The following NR3C1 variants were observed in gnomAD, a reference collection of about 807,000 sequenced individuals.
The protein encoded by NR3C1 is nuclear receptor subfamily 3 group C member 1.
NR3C1 carries 14 observed loss-of-function variants against 74.0 expected under a neutral mutation model. The ratio of observed to expected loss-of-function variants is 0.19; its 90% CI spans 0.12 to 0.30. NR3C1 has a LOEUF of 0.30. Among genes scored for constraint, NR3C1 ranks in the 10% least tolerant of loss-of-function variants. The probability of loss-of-function intolerance (pLI) is 1.00; values close to 1 mark genes in which losing one functional copy is unlikely to be tolerated. For missense variants in NR3C1, 695 were observed against 909.8 expected (o/e 0.76, Z 3.04); for synonymous variants, 308 against 332.5 (o/e 0.93, Z 0.80).
intron 2 of NR3C1, among the ~76,000 whole-genome samples, chr5:143,325,841 T>A (rs1350620826): frequency 1.3e-5 from 2 of 152,138 alleles, no homozygotes; most frequent in Non-Finnish European, 2.9e-5. Context: ...ACCTTACCCC[T>A]AGAAGATCAA....
intron 4 of NR3C1, among the ~76,000 whole-genome samples, chr5:143,302,895 C>G (rs935970176): frequency 2.0e-5 from 3 of 152,046 alleles, no homozygotes; most frequent in Non-Finnish European, 4.4e-5. Context: ...GCAGTCAATA[C>G]AGGAGCTCCA....
chr5:143,294,072 T>C (rs750379389), intron 7 of NR3C1: 159 of 983,420 alleles, frequency 1.6e-4, no homozygotes, highest in Non-Finnish European at 1.7e-4. Context: ...TTAATACTTC[T>C]TATATCCATT....
chr5:143,313,912 T>C (rs1295479504), intron 3 of NR3C1, 90 bp downstream of exon 3: 19 of 1,408,480 alleles, frequency 1.3e-5, no homozygotes, highest in Non-Finnish European at 1.7e-5. Flanking sequence ...TAGCCTTTCA[T>C]GGGCTTTGCA....
chr5:143,314,789 C>A (rs1821733521), intron 2 of NR3C1, among the ~76,000 whole-genome samples: 1 of 152,138 alleles, frequency 6.6e-6, no homozygotes, highest in African/African-American at 2.4e-5. Flanking sequence ...TTGGCTGAAA[C>A]CACAATTTCA....
At chr5:143,340,302 C>T (rs1469081717) in intron 2 of NR3C1, among the ~76,000 whole-genome samples, 1 of 151,688 alleles carries the variant, frequency 6.6e-6, no homozygotes, top group Non-Finnish European at 1.5e-5. Context: ...TCTCTTATAC[C>T]CAAATTGATT....
intron 4 of NR3C1, among the ~76,000 whole-genome samples, chr5:143,303,099 A>G (rs1426090623): frequency 6.6e-6 from 1 of 152,100 alleles, no homozygotes; most frequent in Non-Finnish European, 1.5e-5. Flanking sequence ...GTAAAAGATG[A>G]CATTACAAGA....
Position 143,282,222 on chromosome 5 carries a change from G to A in NR3C1, c.2182-181C>T, listed in dbSNP as rs72542755. On this transcript the variant is annotated intron_variant, in intron 8 of 8. Coordinates refer to ENST00000394464, the MANE Select transcript of NR3C1 (RefSeq NM_000176.3). The stretch of plus-strand genomic sequence containing the variant: ...ACATTTTATATTTCTTTGATTGTAT[G>A]TAGAATTATATAGAATTATTTCATG... 1.0e-3 allele frequency among the ~76,000 whole-genome samples: 155 copies of A among 152,248 alleles called. 3 individuals carry two copies. The East Asian group carries it at 0.022, about 22-fold the overall frequency.
At chr5:143,355,186 AAT>A (rs1830918988) in intron 2 of NR3C1, among the ~76,000 whole-genome samples, 1 of 152,178 alleles carries the variant, frequency 6.6e-6, no homozygotes, top group Admixed American at 6.5e-5. Context: ...CTTATATCTA[AAT>A]ATGACAGAAT....
At chr5:143,341,246 T>C (rs1828165586) in intron 2 of NR3C1, among the ~76,000 whole-genome samples, 1 of 152,240 alleles carries the variant, frequency 6.6e-6, no homozygotes, top group African/African-American at 2.4e-5. Context: ...GAAATTTCCA[T>C]CTGCAAAAGG....
chr5:143,352,145 C>G (rs1830345939), intron 2 of NR3C1, among the ~76,000 whole-genome samples: 3 of 152,106 alleles, frequency 2.0e-5, no homozygotes, highest in African/African-American at 7.2e-5. Context: ...CATGCATGCA[C>G]ACACAATGCG....
intron 2 of NR3C1, among the ~76,000 whole-genome samples, chr5:143,328,799 T>C (rs979048816): frequency 7.9e-5 from 12 of 152,192 alleles, no homozygotes; most frequent in African/African-American, 2.7e-4. Context: ...TAACCTTTGC[T>C]CCAGTTCCCA....
intron 2 of NR3C1, among the ~76,000 whole-genome samples, chr5:143,317,314 T>C (rs761190156): frequency 1.1e-4 from 17 of 152,168 alleles, no homozygotes; most frequent in Non-Finnish European, 1.9e-4. Context: ...AAGTATACCA[T>C]AGTAAGAGTG....
chr5:143,433,472 T>TTTATTTATTTAAATTATATATATATA (rs1751968385), intron 1 of NR3C1, among the ~76,000 whole-genome samples: 1 of 139,868 alleles, frequency 7.1e-6, no homozygotes, highest in African/African-American at 2.7e-5. Flanking sequence ...ATATATATAT[T>TTTATTTATTTAAATTATATATATATA]TAATTTCATC....
intron 2 of NR3C1, among the ~76,000 whole-genome samples, chr5:143,352,477 A>C (rs1277456986): frequency 6.6e-6 from 1 of 152,144 alleles, no homozygotes; most frequent in Non-Finnish European, 1.5e-5. Flanking sequence ...ATTTTCATCC[A>C]TATTACTGAA....
intron 2 of NR3C1, among the ~76,000 whole-genome samples, chr5:143,359,930 A>T (rs1831919361): frequency 6.6e-6 from 1 of 152,182 alleles, no homozygotes; most frequent in Non-Finnish European, 1.5e-5. Context: ...AAATAAAATA[A>T]ATAAATAAAT....
chr5:143,332,325 T>C (rs1180685903), intron 2 of NR3C1, among the ~76,000 whole-genome samples: 1 of 151,168 alleles, frequency 6.6e-6, no homozygotes, highest in East Asian at 1.9e-4. Context: ...TTTTTTTTTT[T>C]TTAATCCATA....
chr5:143,285,472 G>T (rs1003497611), intron 7 of NR3C1, among the ~76,000 whole-genome samples: 2 of 152,098 alleles, frequency 1.3e-5, no homozygotes, highest in African/African-American at 2.4e-5. Flanking sequence ...GTCTACCCAA[G>T]AACTTGCATT....
chr5:143,340,858 GT>G (rs1192237203), intron 2 of NR3C1, among the ~76,000 whole-genome samples: 1 of 152,134 alleles, frequency 6.6e-6, no homozygotes, highest in East Asian at 1.9e-4. Flanking sequence ...GGGGATACAT[GT>G]GAGGGTTCGT....
At chr5:143,374,774 C>A (rs1348675331) in intron 2 of NR3C1, among the ~76,000 whole-genome samples, 2 of 152,026 alleles carry the variant, frequency 1.3e-5, no homozygotes, top group Non-Finnish European at 2.9e-5. Flanking sequence ...AGCAGCTGTA[C>A]TTGAACACAG....
Sources: gnomAD v4.1 joint callset for allele counts (sites outside exome capture counted in the v4.1 genomes callset) on GRCh38, gnomAD v4.1.1 for gene constraint, MANE v1.5 for transcripts, NCBI Gene and HGNC (gene_info 2026-07-23, HGNC 2026-07-21) for gene names.